The following DTWD2 variants were observed in gnomAD, a reference collection of about 807,000 sequenced individuals.
DTWD2 encodes DTW motif tRNA-uridine aminocarboxypropyltransferase 2.
In DTWD2, 39 loss-of-function variants were observed where a neutral mutation model predicts 31.8. The ratio of observed to expected loss-of-function variants is 1.22; its 90% confidence interval spans 0.95 to 1.60. The LOEUF (loss-of-function observed/expected upper bound fraction) is 1.60. Ranked by LOEUF, DTWD2 falls within the 40% of genes most tolerant of loss-of-function variation. The probability of loss-of-function intolerance (pLI) is 0.00; values close to 1 mark genes in which losing one functional copy is unlikely to be tolerated. For missense variants in DTWD2, 515 were observed against 381.5 expected (o/e 1.35, Z -2.92); for synonymous variants, 180 against 142.8 (o/e 1.26, Z -1.86).
intron 1 of DTWD2, among the ~76,000 whole-genome samples, chr5:118,950,362 G>T (rs946774416): frequency 8.5e-5 from 13 of 152,110 alleles, no homozygotes; most frequent in African/African-American, 2.9e-4. Flanking sequence ...ATGTGGAGTG[G>T]GTAGTCTCTG....
intron 4 of DTWD2, among the ~76,000 whole-genome samples, chr5:118,896,125 A>T (rs76356866): frequency 0.021 from 3,256 of 152,268 alleles, 126 homozygotes; most frequent in African/African-American, 0.074. Flanking sequence ...ATGAGCGAAA[A>T]TGTGAAACAG....
intron 4 of DTWD2, among the ~76,000 whole-genome samples, chr5:118,876,513 T>C (rs924923843): frequency 1.3e-5 from 2 of 151,856 alleles, no homozygotes; most frequent in African/African-American, 2.4e-5. Flanking sequence ...AAAAGAGATA[T>C]GATTCAAATA....
intron 2 of DTWD2, among the ~76,000 whole-genome samples, chr5:118,942,251 T>C (rs1367619424): frequency 6.6e-6 from 1 of 152,188 alleles, no homozygotes; most frequent in African/African-American, 2.4e-5. Flanking sequence ...GGTTCACGCC[T>C]ATAGTCCCAG....
Position 118,891,282 on chromosome 5 carries a change from C to T in DTWD2, c.597+37255G>A, listed in dbSNP as rs532376223. ...TTTTTAGCCATCTGTTCCCACTATG[C>T]AATCCACATCACTCATAAACAGAGG... On this transcript the variant is annotated intron_variant, in intron 4 of 5. Transcript: ENST00000510708. 2.6e-5 allele frequency among the ~76,000 whole-genome samples: 4 copies of T among 152,122 alleles called. No homozygotes were observed. The East Asian group carries it at 7.7e-4, about 29-fold the overall frequency.
At chr5:118,858,880 G>A (rs1296289688) in intron 4 of DTWD2, among the ~76,000 whole-genome samples, 4 of 152,160 alleles carry the variant, frequency 2.6e-5, no homozygotes, top group African/African-American at 7.2e-5. Context: ...ATTGCAGTTA[G>A]CTGTTAGGTT....
At chr5:118,912,830 C>G (rs1753488320) in intron 4 of DTWD2, among the ~76,000 whole-genome samples, 1 of 152,152 alleles carries the variant, frequency 6.6e-6, no homozygotes. Context: ...AGGAACGTAG[C>G]TGAACTGCAA....
At chr5:118,853,145 AC>A (rs1752049889) in intron 4 of DTWD2, among the ~76,000 whole-genome samples, 1 of 152,152 alleles carries the variant, frequency 6.6e-6, no homozygotes, top group South Asian at 2.1e-4. Flanking sequence ...TATCATTCAT[AC>A]CCTAAACCTC....
chr5:118,869,308 G>A (rs772150939), intron 4 of DTWD2, among the ~76,000 whole-genome samples: 1 of 152,140 alleles, frequency 6.6e-6, no homozygotes, highest in Non-Finnish European at 1.5e-5. Flanking sequence ...GAGTGGATGG[G>A]ATCTGATTGG....
At chr5:118,922,032 G>A (rs777244771) in intron 4 of DTWD2, among the ~76,000 whole-genome samples, 2 of 152,260 alleles carry the variant, frequency 1.3e-5, no homozygotes, top group African/African-American at 2.4e-5. Flanking sequence ...GAAAGGATAT[G>A]CAACTACTCC....
intron 4 of DTWD2, among the ~76,000 whole-genome samples, chr5:118,878,023 A>G (rs2149552847): frequency 6.6e-6 from 1 of 152,324 alleles, no homozygotes. Context: ...ACTACAAAAC[A>G]CTGCTCAAAG....
intron 1 of DTWD2, among the ~76,000 whole-genome samples, chr5:118,985,490 TTATATATA>T (rs56393420): frequency 3.0e-4 from 29 of 95,428 alleles, no homozygotes; most frequent in East Asian, 7.3e-4. Flanking sequence ...ATGTGCATTT[TTATATATA>T]TATATATATA....
intron 4 of DTWD2, among the ~76,000 whole-genome samples, chr5:118,851,540 C>A (rs1369880911): frequency 6.6e-6 from 1 of 151,768 alleles, no homozygotes; most frequent in African/African-American, 2.4e-5. Context: ...TCTGAGGAAA[C>A]AGGGCAAGGA....
chr5:118,943,267 T>C (rs1754247021), intron 2 of DTWD2, among the ~76,000 whole-genome samples: 1 of 152,056 alleles, frequency 6.6e-6, no homozygotes, highest in African/African-American at 2.4e-5. Flanking sequence ...GAGAAAAAGG[T>C]TAGGCCAGGT....
At chr5:118,891,794 T>C (rs578212393) in intron 4 of DTWD2, among the ~76,000 whole-genome samples, 1 of 152,336 alleles carries the variant, frequency 6.6e-6, no homozygotes, top group Admixed American at 6.5e-5. Flanking sequence ...AACAGAATGG[T>C]TGAAATAATG....
chr5:118,954,502 C>A (rs573353113), intron 1 of DTWD2, among the ~76,000 whole-genome samples: 1 of 152,036 alleles, frequency 6.6e-6, no homozygotes, highest in Non-Finnish European at 1.5e-5. Flanking sequence ...ATAGATATTG[C>A]TGAATACATA....
intron 1 of DTWD2, among the ~76,000 whole-genome samples, chr5:118,948,224 C>G (rs772704820): frequency 1.2e-4 from 18 of 152,060 alleles, no homozygotes; most frequent in Non-Finnish European, 2.4e-4. Flanking sequence ...GCCTGTAATC[C>G]CAGCACTTTG....
rs554996649 is a variant in DTWD2 at position 118,961,446 on chromosome 5, A to G, written c.219-16797T>C. On this transcript the variant is annotated intron_variant, in intron 1 of 5. Coordinates refer to ENST00000510708, the MANE Select transcript of DTWD2 (RefSeq NM_173666.4). ...TGTTTTCTCTCATACTTAATTCACT[A>G]TATGTTCTAAAGGAAACAATTTCTT... Among the ~76,000 whole-genome samples the G allele has an allele frequency of 1.2e-4, 19 of 152,294 alleles. 1 individual carries two copies. The highest frequency in any genetic ancestry group is 8.3e-4 in the South Asian group (4 of 4,824).
chr5:118,943,338 T>C (rs1430427230), intron 2 of DTWD2, among the ~76,000 whole-genome samples: 2 of 152,034 alleles, frequency 1.3e-5, no homozygotes, highest in Non-Finnish European at 2.9e-5. Flanking sequence ...GATCATGAGA[T>C]CAGGAGATCG....
At chr5:118,904,374 G>C (rs1753280182) in intron 4 of DTWD2, among the ~76,000 whole-genome samples, 1 of 152,020 alleles carries the variant, frequency 6.6e-6, no homozygotes, top group Non-Finnish European at 1.5e-5. Context: ...TTATATACTG[G>C]ACTGACATAG....
Sources: gnomAD v4.1 joint callset for allele counts (sites outside exome capture counted in the v4.1 genomes callset) on GRCh38, gnomAD v4.1.1 for gene constraint, MANE v1.5 for transcripts, NCBI Gene and HGNC (gene_info 2026-07-23, HGNC 2026-07-21) for gene names.